The following ARHGAP31 variants were observed in gnomAD, a reference collection of about 807,000 sequenced individuals.
The protein encoded by ARHGAP31 is Rho GTPase activating protein 31.
Under a neutral mutation model 113.9 loss-of-function variants are expected in ARHGAP31, and 34 were observed. The observed-to-expected ratio is 0.30, with a 90% CI of 0.23 to 0.40. ARHGAP31 has a LOEUF of 0.40. ARHGAP31 is among the 10% of genes least tolerant of loss of function. The pLI is 1.00. For missense variants in ARHGAP31, 1,548 were observed against 1,767.1 expected, an observed-to-expected ratio of 0.88 and a Z score of 2.22; for synonymous variants, 650 against 684.8, an observed-to-expected ratio of 0.95 and a Z score of 0.79.
intron 1 of ARHGAP31, among the ~76,000 whole-genome samples, chr3:119,323,146 C>T (rs1354526748): frequency 6.6e-6 from 1 of 152,214 alleles, no homozygotes; most frequent in African/African-American, 2.4e-5. Context: ...CCTTTCGGCG[C>T]TGGGGACTCA....
At chr3:119,324,629 C>G (rs1197389811) in intron 1 of ARHGAP31, among the ~76,000 whole-genome samples, 2 of 152,084 alleles carry the variant, frequency 1.3e-5, no homozygotes, top group South Asian at 2.1e-4. Flanking sequence ...TTAAAAGAAA[C>G]AAACAAACAA....
rs560493650 is a variant in ARHGAP31, at chr3:119,314,837, CTA to C, written c.100+19835_100+19836del. On this transcript the variant is annotated intron_variant, in intron 1 of 11. Coordinates refer to ENST00000264245, the MANE Select transcript of ARHGAP31 (RefSeq NM_020754.4). ...GGACTTTTAAAGTAGAATTTGAATACTATGATTGTACAGCAGTTTAGGCACTT... is the reference window on the plus strand; with the variant it reads ...GGACTTTTAAAGTAGAATTTGAATACTGATTGTACAGCAGTTTAGGCACTT... The C allele has an allele frequency of 5.3e-5, 8 of 152,334 alleles. No individual in the cohort carries two copies. In the South Asian group the frequency reaches 1.7e-3, roughly 32 times the overall value. 9.4% of individuals were successfully genotyped at this position (152,334 alleles called of 1,614,324 possible).
chr3:119,307,509 T>G (rs2079640458), intron 1 of ARHGAP31, among the ~76,000 whole-genome samples: 1 of 152,218 alleles, frequency 6.6e-6, no homozygotes, highest in Non-Finnish European at 1.5e-5. Flanking sequence ...TAAGAAATTC[T>G]CTTGTATGTA....
At chr3:119,328,923 G>C (rs2079868568) in intron 1 of ARHGAP31, among the ~76,000 whole-genome samples, 1 of 152,186 alleles carries the variant, frequency 6.6e-6, no homozygotes, top group Non-Finnish European at 1.5e-5. Context: ...GATTGTTGAG[G>C]AGAGGAAATG....
intron 6 of ARHGAP31, among the ~76,000 whole-genome samples, chr3:119,386,589 ACG>A (rs1185007134): frequency 2.6e-5 from 4 of 152,186 alleles, no homozygotes; most frequent in African/African-American, 9.7e-5. Flanking sequence ...GTGTGCGGCG[ACG>A]AGAGAGTGTA....
intron 1 of ARHGAP31, among the ~76,000 whole-genome samples, chr3:119,350,641 T>C (rs1173643331): frequency 3.9e-5 from 6 of 152,202 alleles, no homozygotes; most frequent in Non-Finnish European, 1.5e-5. Context: ...GCTAAGTCCC[T>C]GGAGGATTCC....
At chr3:119,389,688 A>T (rs1365212732) in intron 6 of ARHGAP31, among the ~76,000 whole-genome samples, 1 of 152,198 alleles carries the variant, frequency 6.6e-6, no homozygotes. Context: ...CTCTGCAAAG[A>T]GAAATAGTGC....
chr3:119,323,015 G>C (rs1576993550), intron 1 of ARHGAP31, among the ~76,000 whole-genome samples: 1 of 152,142 alleles, frequency 6.6e-6, no homozygotes, highest in East Asian at 1.9e-4. Flanking sequence ...CCCGCCCGGC[G>C]CTTCAGCTTC....
rs1312648194 is a variant in ARHGAP31, at chr3:119,415,079, GGGGCA to G, written c.3151_3155del (p.Gly1051GlnfsTer6). Reference sequence around the variant, plus strand: ...AGGGAAAGGAGCTAGGGACACACCTGGGGCACAGCAGTCCACAGATTAGGCAAGGT... The same window carrying G: ...AGGGAAAGGAGCTAGGGACACACCTGCAGCAGTCCACAGATTAGGCAAGGT... On this transcript the variant is annotated frameshift_variant, in exon 12 of 12. Transcript: ENST00000264245. LOFTEE classifies it high-confidence loss of function. 2.5e-6 allele frequency: 4 copies of G among 1,613,014 alleles called. No homozygotes were observed. The highest frequency in any genetic ancestry group is 3.4e-6 in the Non-Finnish European group (4 of 1,178,930).
In ARHGAP31 at chr3:119,362,786, C is replaced by CG. The variant is rs1472378922; in HGVS notation, c.101-2524dup. Reference sequence around the variant, plus strand: ...TCTGTCTAAAAAAAAAAAAAAAAGGCGGGGGGTGGAGTAGAGATGAGTTTT... The same window carrying CG: ...TCTGTCTAAAAAAAAAAAAAAAAGGCGGGGGGGTGGAGTAGAGATGAGTTTT... On this transcript the variant is annotated intron_variant, in intron 1 of 11. Coordinates refer to ENST00000264245, the MANE Select transcript of ARHGAP31 (RefSeq NM_020754.4). 4.8e-5 allele frequency among the ~76,000 whole-genome samples: 7 copies of CG among 144,586 alleles called. No homozygotes were observed. The East Asian group carries it at 1.2e-3, about 25-fold the overall frequency. The allele number at this position is 144,586 out of a possible 152,430, so 94.9% of individuals were successfully genotyped here.
chr3:119,378,873 A>G (rs2080372009), intron 3 of ARHGAP31, among the ~76,000 whole-genome samples: 1 of 152,200 alleles, frequency 6.6e-6, no homozygotes, highest in Non-Finnish European at 1.5e-5. Flanking sequence ...CATATCTCAT[A>G]AAGTGAGGAT....
chr3:119,402,401 A>C lies in ARHGAP31; in HGVS notation c.1645+4A>C. Reference sequence around the variant, plus strand: ...CTGGGAGCTGAGACTTCTGCAGGTAAGTAGAGGAGAGAGGGTATCTTTCCG... The same window carrying C: ...CTGGGAGCTGAGACTTCTGCAGGTACGTAGAGGAGAGAGGGTATCTTTCCG... On this transcript the variant is annotated splice_donor_region_variant and intron_variant, in intron 10 of 11. Coordinates refer to ENST00000264245, the MANE Select transcript of ARHGAP31 (RefSeq NM_020754.4). The C allele has an allele frequency of 2.5e-6, 4 of 1,612,024 alleles. No individual in the cohort carries two copies. The highest frequency in any genetic ancestry group is 3.4e-6 in the Non-Finnish European group (4 of 1,179,006).
chr3:119,367,865 GA>G (rs1421774014), intron 2 of ARHGAP31, among the ~76,000 whole-genome samples: 257 of 110,958 alleles, frequency 2.3e-3, no homozygotes, highest in East Asian at 0.01. Context: ...TCAAAAAAAA[GA>G]AAAAAAAAAA....
intron 3 of ARHGAP31, among the ~76,000 whole-genome samples, chr3:119,379,524 C>G (rs189273774): frequency 6.6e-6 from 1 of 152,142 alleles, no homozygotes; most frequent in African/African-American, 2.4e-5. Flanking sequence ...AGGTGAGCAA[C>G]GTAAGAAAAC....
chr3:119,294,383 G>C lies in ARHGAP31; in HGVS notation c.-522G>C, dbSNP rs1314924367. Reference sequence around the variant, plus strand: ...AGGATTTGTAAGACAGGAAAAAAAGGAAGGCGTGAGGGCGGGCAGCAGCGA... The same window carrying C: ...AGGATTTGTAAGACAGGAAAAAAAGCAAGGCGTGAGGGCGGGCAGCAGCGA... On this transcript the variant is annotated 5_prime_UTR_variant, in exon 1 of 12. Transcript: ENST00000264245. 2.5e-6 allele frequency: 1 copy of C among 402,672 alleles called. No homozygotes were observed. Among genetic ancestry groups the C allele is most frequent in the Non-Finnish European group, 4.4e-6 (1 of 229,456 alleles). 24.9% of individuals were successfully genotyped at this position (402,672 alleles called of 1,614,324 possible). A position where few individuals can be genotyped will look rare whatever the true frequency, so the allele number is the denominator to read the frequency against.
intron 1 of ARHGAP31, among the ~76,000 whole-genome samples, chr3:119,313,150 ATTG>A (rs1254729993): frequency 6.6e-6 from 1 of 152,182 alleles, no homozygotes; most frequent in Non-Finnish European, 1.5e-5. Context: ...ATATCACATT[ATTG>A]TTGTTTAAAA....
Position 119,396,224 on chromosome 3 carries a change from G to A in ARHGAP31, c.1006+2633G>A, listed in dbSNP as rs924391336. Among the ~76,000 whole-genome samples the A allele has an allele frequency of 5.9e-5, 9 of 152,330 alleles. No individual in the cohort carries two copies. The East Asian group carries it at 1.2e-3, about 20-fold the overall frequency. On this transcript the variant is annotated intron_variant, in intron 8 of 11. Coordinates refer to ENST00000264245, the MANE Select transcript of ARHGAP31 (RefSeq NM_020754.4). ...TCACAGGCCAGGGCTTCTCACACCT[G>A]GACCTCAGAATCGCCCACAGAGTGG... is the stretch of plus-strand genomic sequence containing the variant.
chr3:119,402,866 T>C (rs2080624947), intron 10 of ARHGAP31, among the ~76,000 whole-genome samples: 1 of 152,192 alleles, frequency 6.6e-6, no homozygotes, highest in African/African-American at 2.4e-5. Context: ...ATTTCTACTT[T>C]ATATTTGCAG....
intron 1 of ARHGAP31, among the ~76,000 whole-genome samples, chr3:119,360,506 C>A (rs978494409): frequency 1.3e-5 from 2 of 152,202 alleles, no homozygotes; most frequent in East Asian, 3.8e-4. Flanking sequence ...ACACAGGGAA[C>A]TGAGGCAGCT....
Sources: gnomAD v4.1 joint callset for allele counts (sites outside exome capture counted in the v4.1 genomes callset) on GRCh38, gnomAD v4.1.1 for gene constraint, MANE v1.5 for transcripts, NCBI Gene and HGNC (gene_info 2026-07-23, HGNC 2026-07-21) for gene names.